ARHGAP8: variants seen among roughly 807,000 people sequenced by gnomAD.
The protein encoded by ARHGAP8 is rho GTPase-activating protein 8.
Under a neutral mutation model 46.1 loss-of-function variants are expected in ARHGAP8, and 62 were observed. The observed-to-expected ratio is 1.34, with a 90% CI of 1.10 to 1.66. ARHGAP8 has a LOEUF of 1.66. Ranked by LOEUF, ARHGAP8 falls within the 40% of genes most tolerant of loss-of-function variation. ARHGAP8 has a pLI of 0.00. For synonymous variants in ARHGAP8, 375 were observed against 243.1 expected (o/e 1.54, Z -5.05); for missense variants, 923 against 568.4 (o/e 1.62, Z -6.34).
rs200724454 is a variant in ARHGAP8 at position 44,845,329 on chromosome 22, C to A, written c.657C>A (p.Tyr219Ter). Residue 219 changes from tyrosine (Y) to a stop codon, truncating the protein, a stop_gained, in exon 8 of 12, where the codon TAC becomes TAA. Transcript: ENST00000356099. LOFTEE classifies it high-confidence loss of function. ...CTGTGCTGAGGTTCACAGTGACGTA[C>A]CTGAGAGAGAAAGGTGAGACGGGGC... ...IPPVLRFTVT[Y>*]LREKGLRTEG... The A allele has an allele frequency of 2.5e-6, 4 of 1,614,070 alleles. No individual in the cohort carries two copies. In the East Asian group the frequency reaches 8.9e-5, roughly 36 times the overall value.
intron 10 of ARHGAP8, 170 bp downstream of exon 10, chr22:44,849,230 C>G (rs2070036600): frequency 1.6e-6 from 2 of 1,244,034 alleles, no homozygotes; most frequent in South Asian, 2.9e-5. Flanking sequence ...GCTGCCCCCA[C>G]CATGCACAGC....
intron 3 of ARHGAP8, among the ~76,000 whole-genome samples, chr22:44,807,858 G>A (rs1315066590): frequency 4.6e-5 from 7 of 152,140 alleles, no homozygotes; most frequent in African/African-American, 9.7e-5. Context: ...CTTTGCCTCC[G>A]TCTTTACGTG....
At chr22:44,841,292 G>A (rs1931635490) in intron 7 of ARHGAP8, among the ~76,000 whole-genome samples, 1 of 152,178 alleles carries the variant, frequency 6.6e-6, no homozygotes, top group Admixed American at 6.5e-5. Context: ...CGATTGTACT[G>A]TAACAAGTCA....
chr22:44,825,712 G>A (rs1183404089), intron 7 of ARHGAP8, 119 bp downstream of exon 7: 4 of 1,231,560 alleles, frequency 3.2e-6, no homozygotes, highest in Non-Finnish European at 4.5e-6. Context: ...GCTGAACCCT[G>A]CAGGAAAGAT....
chr22:44,831,714 A>C (rs1199850930), intron 7 of ARHGAP8, among the ~76,000 whole-genome samples: 2 of 152,116 alleles, frequency 1.3e-5, no homozygotes, highest in African/African-American at 4.8e-5. Flanking sequence ...AAAGAAAAGA[A>C]AATACTTTTC....
chr22:44,774,119 C>A (rs961952310), intron 1 of ARHGAP8, among the ~76,000 whole-genome samples: 1 of 152,192 alleles, frequency 6.6e-6, no homozygotes, highest in African/African-American at 2.4e-5. Flanking sequence ...CTGCAGGATG[C>A]ACACTCATTC....
In ARHGAP8 at chr22:44,848,025, C is replaced by G. The variant is rs1328814154; in HGVS notation, c.723C>G (p.Arg241=). 4 of 1,607,538 alleles carry G rather than the reference C, an allele frequency of 2.5e-6. No homozygotes were observed. Among genetic ancestry groups the G allele is most frequent in the Non-Finnish European group, 2.5e-6 (3 of 1,179,960 alleles). Residue 241 remains arginine (R), a synonymous_variant, in exon 9 of 12, where the codon CGC becomes CGG. Coordinates refer to ENST00000356099, the MANE Select transcript of ARHGAP8 (RefSeq NM_181335.3). ...GATCCGCCAGCGTGCAGACCGTCCG[C>G]GAGATCCAGAGGCTCTACAACCAAG... is the stretch of plus-strand genomic sequence containing the variant. ...FRRSASVQTV[R]EIQRLYNQGK...
At chr22:44,780,470 G>A (rs1487555709) in intron 1 of ARHGAP8, among the ~76,000 whole-genome samples, 2 of 151,988 alleles carry the variant, frequency 1.3e-5, no homozygotes, top group Non-Finnish European at 2.9e-5. Flanking sequence ...AGACCAACCT[G>A]GTCAACATGG....
chr22:44,762,828 G>A (rs1296100675), intron 1 of ARHGAP8, among the ~76,000 whole-genome samples: 1 of 152,092 alleles, frequency 6.6e-6, no homozygotes, highest in African/African-American at 2.4e-5. Context: ...ACAGGCATGA[G>A]CCACCGTTCC....
rs748252584 is a variant in ARHGAP8, at chr22:44,845,233, AG to A, written c.597-34del. The A allele has an allele frequency of 1.9e-6, 3 of 1,613,190 alleles. No individual in the cohort carries two copies. The South Asian group carries it at 3.3e-5, about 18-fold the overall frequency. ...CTCATTGTGATCACCCATCAAGCTC[AG>A]GTAAAAACTGCGACTTTCTTTTCTG... On this transcript the variant is annotated intron_variant, in intron 7 of 11. Coordinates refer to ENST00000356099, the MANE Select transcript of ARHGAP8 (RefSeq NM_181335.3).
At chr22:44,846,333 A>G (rs1208570530) in intron 8 of ARHGAP8, among the ~76,000 whole-genome samples, 1 of 152,194 alleles carries the variant, frequency 6.6e-6, no homozygotes, top group Middle Eastern at 3.2e-3. Context: ...GGTCTTGGAA[A>G]AACCTGCTTT....
At chr22:44,859,192 G>A in intron 10 of ARHGAP8, among the ~76,000 whole-genome samples, 1 of 152,188 alleles carries the variant, frequency 6.6e-6, no homozygotes, top group Non-Finnish European at 1.5e-5. Flanking sequence ...TGATGATAGG[G>A]CTTGGATCTG....
At chr22:44,847,868 G>A in intron 8 of ARHGAP8, 105 bp from the exon 9 acceptor site, 1 of 1,427,084 alleles carries the variant, frequency 7.0e-7, no homozygotes, top group Non-Finnish European at 9.6e-7. Context: ...ATGTGTGGAG[G>A]CCAGCCACAG....
intron 2 of ARHGAP8, among the ~76,000 whole-genome samples, chr22:44,792,829 G>GT (rs911417203): frequency 0.016 from 748 of 45,456 alleles, 3 homozygotes; most frequent in African/African-American, 0.045. Context: ...TGTTTTTTTG[G>GT]TTTTTTTTTT....
At chr22:44,766,994 C>G (rs1460596777) in intron 1 of ARHGAP8, among the ~76,000 whole-genome samples, 1 of 152,194 alleles carries the variant, frequency 6.6e-6, no homozygotes, top group Non-Finnish European at 1.5e-5. Flanking sequence ...GGCTCCAAAA[C>G]CAAAAAGTCT....
chr22:44,839,695 C>T (rs898907410), intron 7 of ARHGAP8, among the ~76,000 whole-genome samples: 1 of 152,170 alleles, frequency 6.6e-6, no homozygotes, highest in Admixed American at 6.5e-5. Context: ...ATGAGGCAGA[C>T]GATACACACG....
chr22:44,823,746 T>C (rs144334615), intron 6 of ARHGAP8, among the ~76,000 whole-genome samples: 2,039 of 152,052 alleles, frequency 0.013, 48 homozygotes, highest in African/African-American at 0.047. Context: ...TCCTCCTGTG[T>C]GGGAGAGTGA....
At chr22:44,792,940 C>T (rs527388426) in intron 2 of ARHGAP8, among the ~76,000 whole-genome samples, 1 of 152,058 alleles carries the variant, frequency 6.6e-6, no homozygotes, top group Non-Finnish European at 1.5e-5. Context: ...TCTCCTGCCT[C>T]AGCCTCCTGA....
At chr22:44,765,653 A>ACTT (rs1925498321) in intron 1 of ARHGAP8, among the ~76,000 whole-genome samples, 1 of 152,126 alleles carries the variant, frequency 6.6e-6, no homozygotes, top group Non-Finnish European at 1.5e-5. Flanking sequence ...GTGGCATGAC[A>ACTT]GGGTGGCAGG....
Sources: gnomAD v4.1 joint callset for allele counts (sites outside exome capture counted in the v4.1 genomes callset) on GRCh38, gnomAD v4.1.1 for gene constraint, MANE v1.5 for transcripts, NCBI Gene and HGNC (gene_info 2026-07-23, HGNC 2026-07-21) for gene names.